FAM161A: variants seen among roughly 807,000 people sequenced by gnomAD.
FAM161A encodes FAM161 centrosomal protein A.
In FAM161A, 57 loss-of-function variants were observed where a neutral mutation model predicts 70.9. That is an observed-to-expected ratio of 0.80 (90% CI 0.65 to 1.00). FAM161A has a LOEUF of 1.00. Ranked by LOEUF, FAM161A falls within the 50% of genes least tolerant of loss-of-function variation. The probability of loss-of-function intolerance (pLI) is 0.00; values close to 1 mark genes in which losing one functional copy is unlikely to be tolerated. For synonymous variants in FAM161A, 299 were observed against 295.7 expected (o/e 1.01, Z -0.12); for missense variants, 880 against 836.0 (o/e 1.05, Z -0.65).
the FAM161A span, among the ~76,000 whole-genome samples, chr2:61,811,898 G>A: frequency 6.2e-3 from 940 of 152,188 alleles, 10 homozygotes; most frequent in African/African-American, 0.022. Flanking sequence ...AATCTTTACT[G>A]TGTCCTAGAA....
intron 1 of FAM161A, among the ~76,000 whole-genome samples, chr2:61,844,436 C>A (rs1292530192): frequency 6.6e-6 from 1 of 152,058 alleles, no homozygotes; most frequent in Admixed American, 6.6e-5. Context: ...CAGTGGCTCA[C>A]ACCTATAATC....
the FAM161A span, among the ~76,000 whole-genome samples, chr2:61,810,933 G>A: frequency 6.6e-6 from 1 of 152,134 alleles, no homozygotes. Flanking sequence ...TAGGCCAGGA[G>A]GATGCAGGAC....
downstream of FAM161A, among the ~76,000 whole-genome samples, chr2:61,824,193 A>ATTTTTTTTTTTT (rs5831622): frequency 7.8e-6 from 1 of 127,830 alleles, no homozygotes. Context: ...CGCCTGGCTA[A>ATTTTTTTTTTTT]TTTTTTTTTT....
At chr2:61,822,907 T>C (rs1270733911), downstream of FAM161A, among the ~76,000 whole-genome samples, 1 of 152,150 alleles carries the variant, frequency 6.6e-6, no homozygotes, top group Non-Finnish European at 1.5e-5. Context: ...AATGATTTTG[T>C]ATTGCCTAGG....
At chr2:61,819,406 T>C in the FAM161A span, among the ~76,000 whole-genome samples, 1 of 152,086 alleles carries the variant, frequency 6.6e-6, no homozygotes, top group Non-Finnish European at 1.5e-5. Flanking sequence ...GAGGTTACAG[T>C]GAGCCATGAT....
In FAM161A at chr2:61,825,932, C is replaced by T. The variant is rs897022105; in HGVS notation, c.*523G>A. 6.6e-5 allele frequency: 30 copies of T among 454,056 alleles called. No homozygotes were observed. Among genetic ancestry groups the T allele is most frequent in the Admixed American group, 4.0e-4 (17 of 42,530 alleles). 28.1% of individuals were successfully genotyped at this position (454,056 alleles called of 1,614,324 possible). Reference sequence around the variant, plus strand: ...GATTACAGGCATGAGCCACCATACCCGGCGTTTTTTCTATACTTTTAAAAA... The same window carrying T: ...GATTACAGGCATGAGCCACCATACCTGGCGTTTTTTCTATACTTTTAAAAA... On this transcript the variant is annotated 3_prime_UTR_variant, in exon 7 of 7. Coordinates refer to ENST00000404929, the MANE Select transcript of FAM161A (RefSeq NM_001201543.2).
At position 61,840,156 on chromosome 2, in the gene FAM161A, C is replaced by G. The variant is rs201935759; in HGVS notation, c.848G>C (p.Arg283Pro). The G allele has an allele frequency of 1.2e-6, 2 of 1,614,040 alleles. No homozygotes were observed. The highest frequency in any genetic ancestry group is 1.7e-6 in the Non-Finnish European group (2 of 1,180,018). The change falls in exon 3 of 7, where the codon CGA becomes CCA. Residue 283 changes from arginine to proline, a missense_variant. Transcript: ENST00000404929. The part of the protein sequence containing the change: ...EEDPEYKKKF[R>P]ANPVPASVFL... ...GACAGATGCAGGAACTGGATTGGCTCGGAATTTCTTCTTATACTCTGGATC... is the reference window on the plus strand; with the variant it reads ...GACAGATGCAGGAACTGGATTGGCTGGGAATTTCTTCTTATACTCTGGATC...
rs747328182 is a variant in FAM161A at position 61,838,715 on chromosome 2, A to C, written c.1584-10T>G. On this transcript the variant is annotated splice_polypyrimidine_tract_variant and intron_variant, in intron 3 of 6. Coordinates refer to ENST00000404929, the MANE Select transcript of FAM161A (RefSeq NM_001201543.2). ...TTCCTCAAGTGATCTCCTGAGGGTA[A>C]CAAACTAAGGCTTAATCCACTTTAA... is the stretch of plus-strand genomic sequence containing the variant. 10 of 1,586,772 alleles carry C rather than the reference A, an allele frequency of 6.3e-6. No individual in the cohort carries two copies. The Middle Eastern group carries it at 5.0e-4, about 80-fold the overall frequency.
chr2:61,845,405 G>A (rs573052480), intron 1 of FAM161A, among the ~76,000 whole-genome samples: 2 of 152,304 alleles, frequency 1.3e-5, no homozygotes, highest in South Asian at 4.1e-4. Context: ...TCAAAAGGGG[G>A]CTGAAACCAG....
At chr2:61,844,703 AAAAC>A (rs1168510551) in intron 1 of FAM161A, among the ~76,000 whole-genome samples, 1 of 152,312 alleles carries the variant, frequency 6.6e-6, no homozygotes, top group South Asian at 2.1e-4. Context: ...TGTCTCACTT[AAAAC>A]AAACAAACAA....
the FAM161A span, among the ~76,000 whole-genome samples, chr2:61,817,188 T>C: frequency 1.3e-5 from 2 of 152,236 alleles, no homozygotes; most frequent in East Asian, 1.9e-4. Context: ...AATTTGGCCA[T>C]GCCCCTCAGG....
At chr2:61,804,152 T>C in the FAM161A span, among the ~76,000 whole-genome samples, 2 of 152,150 alleles carry the variant, frequency 1.3e-5, no homozygotes, top group Non-Finnish European at 2.9e-5. Context: ...GCCATGGCAT[T>C]TGTAAACTGT....
Position 61,839,452 on chromosome 2 carries a change from C to T in FAM161A, c.1552G>A (p.Val518Ile). 1 of 1,614,158 alleles carries T rather than the reference C, an allele frequency of 6.2e-7. No individual in the cohort carries two copies. ...GCTTGTTCTCGTCCTCTGGAAGATACCGTGGGCACGGGAGGGTTGCAGTTA... is the reference window on the plus strand; with the variant it reads ...GCTTGTTCTCGTCCTCTGGAAGATATCGTGGGCACGGGAGGGTTGCAGTTA... ...PCNCNPPVPT[V>I]SSRGREQAVR... The change falls in exon 3 of 7, where the codon GTA becomes ATA. Residue 518 changes from valine (V) to isoleucine (I), a missense_variant. By Grantham distance (29) the Val-to-Ile change is conservative (BLOSUM62 3). Coordinates refer to ENST00000404929, the MANE Select transcript of FAM161A (RefSeq NM_001201543.2).
intron 1 of FAM161A, among the ~76,000 whole-genome samples, chr2:61,842,706 A>C (rs1673063965): frequency 6.6e-6 from 1 of 152,224 alleles, no homozygotes; most frequent in Non-Finnish European, 1.5e-5. Context: ...CCTGAGTTGT[A>C]AGTTTTAACT....
the FAM161A span, among the ~76,000 whole-genome samples, chr2:61,810,128 A>G: frequency 1.3e-5 from 2 of 152,226 alleles, no homozygotes; most frequent in Non-Finnish European, 2.9e-5. Context: ...AATAATGGCC[A>G]TTGTAAACCA....
At chr2:61,850,445 A>G (rs1294143080) in intron 1 of FAM161A, among the ~76,000 whole-genome samples, 1 of 151,900 alleles carries the variant, frequency 6.6e-6, no homozygotes, top group Non-Finnish European at 1.5e-5. Context: ...GTATATGTGT[A>G]TGTATGTATG....
chr2:61,848,517 A>G (rs998958811), intron 1 of FAM161A, among the ~76,000 whole-genome samples: 1 of 151,886 alleles, frequency 6.6e-6, no homozygotes, highest in African/African-American at 2.4e-5. Flanking sequence ...TTTTTGTGGA[A>G]TGTTGTAAAT....
intron 1 of FAM161A, among the ~76,000 whole-genome samples, chr2:61,848,886 TTATATATA>T (rs1195508565): frequency 5.0e-4 from 1 of 2,018 alleles, no homozygotes; most frequent in African/African-American, 1.9e-3. Flanking sequence ...ATATATATAT[TTATATATA>T]TTTATATATA....
At chr2:61,853,132 G>A (rs1673555162) in intron 1 of FAM161A, among the ~76,000 whole-genome samples, 1 of 151,742 alleles carries the variant, frequency 6.6e-6, no homozygotes. Flanking sequence ...GGCTGGTCTC[G>A]AACTCCTGAC....
Sources: allele counts gnomAD v4.1 joint callset (sites outside exome capture counted in the v4.1 genomes callset), GRCh38; gene constraint gnomAD v4.1.1; transcripts MANE v1.5; gene names NCBI Gene and HGNC (gene_info 2026-07-23, HGNC 2026-07-21).